TUSC3: variants seen among roughly 807,000 people sequenced by gnomAD.
TUSC3 encodes dolichyl-diphosphooligosaccharide--protein glycosyltransferase subunit TUSC3.
In TUSC3, 45 loss-of-function variants were observed where a neutral mutation model predicts 44.8. The observed-to-expected ratio is 1.00, with a 90% CI of 0.79 to 1.29. The LOEUF (loss-of-function observed/expected upper bound fraction) is 1.29, where lower values mean the gene tolerates loss of function less well. TUSC3 is among the 50% of genes most tolerant of loss of function. The pLI is 0.00. For synonymous variants in TUSC3, 212 were observed against 152.9 expected (o/e 1.39, Z -2.85); for missense variants, 519 against 437.9 (o/e 1.19, Z -1.65).
intron 1 of TUSC3, among the ~76,000 whole-genome samples, chr8:15,589,983 T>C (rs113651336): frequency 6.6e-6 from 1 of 152,086 alleles, no homozygotes; most frequent in Non-Finnish European, 1.5e-5. Context: ...GATTTCACTT[T>C]ATAATGTTTG....
At chr8:15,602,694 G>A (rs12114263) in intron 1 of TUSC3, among the ~76,000 whole-genome samples, 1 of 144,754 alleles carries the variant, frequency 6.9e-6, no homozygotes, top group Admixed American at 6.9e-5. Context: ...GTGTGTGTGT[G>A]TGTATATATG....
intron 9 of TUSC3, among the ~76,000 whole-genome samples, chr8:15,750,889 A>G (rs1001632973): frequency 6.6e-6 from 1 of 152,160 alleles, no homozygotes; most frequent in Admixed American, 6.6e-5. Flanking sequence ...ATTATTTTTT[A>G]GAGTGGTTTG....
chr8:15,421,176 T>C (rs1289299685), intron 1 of TUSC3, among the ~76,000 whole-genome samples: 1 of 152,100 alleles, frequency 6.6e-6, no homozygotes, highest in Non-Finnish European at 1.5e-5. Context: ...TTAACTTCCT[T>C]ATAGTTAACT....
At chr8:15,850,385 A>C in the TUSC3 span, among the ~76,000 whole-genome samples, 1 of 152,150 alleles carries the variant, frequency 6.6e-6, no homozygotes, top group Non-Finnish European at 1.5e-5. Flanking sequence ...GGCTATTCCA[A>C]TTTAGTTATA....
At chr8:15,529,947 G>GCCACGGC (rs528852746) in intron 2 of TUSC3, among the ~76,000 whole-genome samples, 2 of 25,618 alleles carry the variant, frequency 7.8e-5, no homozygotes, top group African/African-American at 2.0e-4. Flanking sequence ...ACAGGCGCCC[G>GCCACGGC]GCTAATTTTT....
chr8:15,749,514 A>G (rs1811598915), intron 9 of TUSC3, among the ~76,000 whole-genome samples: 1 of 152,012 alleles, frequency 6.6e-6, no homozygotes, highest in African/African-American at 2.4e-5. Context: ...AAATATACCA[A>G]GGGAATGGAA....
the TUSC3 span, among the ~76,000 whole-genome samples, chr8:15,787,721 T>C: frequency 6.6e-6 from 1 of 152,224 alleles, no homozygotes; most frequent in Non-Finnish European, 1.5e-5. Flanking sequence ...GGGTATCTAC[T>C]GTTAGACAAC....
chr8:15,847,313 T>A, the TUSC3 span, among the ~76,000 whole-genome samples: 17 of 152,178 alleles, frequency 1.1e-4, no homozygotes, highest in African/African-American at 3.4e-4. Flanking sequence ...TTGGTTAATT[T>A]CTCTTTAATT....
intron 1 of TUSC3, among the ~76,000 whole-genome samples, chr8:15,452,409 T>G (rs1800206124): frequency 6.6e-6 from 1 of 152,202 alleles, no homozygotes. Flanking sequence ...ACTCACGCCT[T>G]TAATTAAATT....
chr8:15,678,845 G>C (rs778266952), intron 6 of TUSC3, among the ~76,000 whole-genome samples: 1 of 152,074 alleles, frequency 6.6e-6, no homozygotes, highest in South Asian at 2.1e-4. Flanking sequence ...TGCACCCAAG[G>C]TTTAGCTCCC....
chr8:15,497,638 G>C (rs1250071140), intron 2 of TUSC3, among the ~76,000 whole-genome samples: 3 of 152,190 alleles, frequency 2.0e-5, no homozygotes, highest in Non-Finnish European at 4.4e-5. Flanking sequence ...ATGTTGTGGA[G>C]TTTTGCTATG....
chr8:15,630,783 T>A (rs988719037), intron 2 of TUSC3, among the ~76,000 whole-genome samples: 3 of 152,166 alleles, frequency 2.0e-5, no homozygotes, highest in Non-Finnish European at 2.9e-5. Context: ...TATTCAGGAA[T>A]GTGTCTCATA....
chr8:15,844,175 AT>A, the TUSC3 span, among the ~76,000 whole-genome samples: 3,037 of 152,240 alleles, frequency 0.02, 89 homozygotes, highest in African/African-American at 0.067. Context: ...GGCAAAAAAA[AT>A]ATCTCTTTGT....
the TUSC3 span, among the ~76,000 whole-genome samples, chr8:15,795,768 AC>A: frequency 6.6e-6 from 1 of 152,190 alleles, no homozygotes; most frequent in African/African-American, 2.4e-5. Context: ...GGCTGCCCAA[AC>A]GGCTGGTAAG....
chr8:15,511,200 C>T (rs1801130540), intron 2 of TUSC3, among the ~76,000 whole-genome samples: 1 of 151,774 alleles, frequency 6.6e-6, no homozygotes, highest in Non-Finnish European at 1.5e-5. Context: ...ACTCTTACTA[C>T]TCCTATTCAG....
intron 10 of TUSC3, among the ~76,000 whole-genome samples, chr8:15,758,843 T>C (rs1812046567): frequency 6.6e-6 from 1 of 152,150 alleles, no homozygotes; most frequent in African/African-American, 2.4e-5. Flanking sequence ...TGGACTGCTG[T>C]TGCCCCATGA....
rs774099784 is a variant in TUSC3 at position 15,659,494 on chromosome 8, T to C, written c.427-13T>C. 1 of 1,610,726 alleles carries C rather than the reference T, an allele frequency of 6.2e-7. No individual in the cohort carries two copies. Among genetic ancestry groups the C allele is most frequent in the South Asian group, 1.1e-5 (1 of 91,054 alleles). Reference sequence around the variant, plus strand: ...TGATCCTATATTTAGTATTTTTTTCTCATGTTTTACAGCTCAACATGAACT... The same window carrying C: ...TGATCCTATATTTAGTATTTTTTTCCCATGTTTTACAGCTCAACATGAACT... On this transcript the variant is annotated splice_polypyrimidine_tract_variant and intron_variant, in intron 3 of 10. Coordinates refer to ENST00000503731, the MANE Select transcript of TUSC3 (RefSeq NM_006765.4).
At chr8:15,648,741 AAAAAAAAAAAAAAAAGAC>A (rs1419333722) in intron 2 of TUSC3, among the ~76,000 whole-genome samples, 4 of 146,938 alleles carry the variant, frequency 2.7e-5, no homozygotes, top group African/African-American at 1.0e-4. Flanking sequence ...AAAAAAAAAA[AAAAAAAAAAAAAAAAGAC>A]ATCTCCTGTT....
intron 1 of TUSC3, among the ~76,000 whole-genome samples, chr8:15,467,489 C>A (rs1019150902): frequency 6.6e-6 from 1 of 152,120 alleles, no homozygotes; most frequent in Non-Finnish European, 1.5e-5. Context: ...CTTCTAATTT[C>A]TAAGCCTTGT....
Sources: allele counts gnomAD v4.1 joint callset (sites outside exome capture counted in the v4.1 genomes callset), GRCh38; gene constraint gnomAD v4.1.1; transcripts MANE v1.5; gene names NCBI Gene and HGNC (gene_info 2026-07-23, HGNC 2026-07-21).